Variants in TMEM117 observed in about 807,000 individuals in gnomAD.
TMEM117 encodes transmembrane protein 117.
In TMEM117, 27 loss-of-function variants were observed where a neutral mutation model predicts 52.4. The ratio of observed to expected loss-of-function variants is 0.51; its 90% CI spans 0.38 to 0.71. The LOEUF is 0.71. Among genes scored for constraint, TMEM117 ranks in the 30% least tolerant of loss-of-function variants. The pLI, the probability that TMEM117 is intolerant of heterozygous loss-of-function variation, is 0.00. For synonymous variants in TMEM117, 215 were observed against 206.3 expected (o/e 1.04, Z -0.36); for missense variants, 556 against 630.5 (o/e 0.88, Z 1.26).
intron 5 of TMEM117, among the ~76,000 whole-genome samples, chr12:44,245,537 T>C (rs1188989913): frequency 6.6e-6 from 1 of 151,142 alleles, no homozygotes; most frequent in Non-Finnish European, 1.5e-5. Flanking sequence ...ATGTTTATAT[T>C]GATTTTATGT....
At chr12:43,874,354 G>A (rs750127384) in intron 2 of TMEM117, among the ~76,000 whole-genome samples, 2 of 151,928 alleles carry the variant, frequency 1.3e-5, no homozygotes, top group African/African-American at 2.4e-5. Flanking sequence ...GCCAAGGTGG[G>A]TGGATCACTT....
At chr12:44,131,905 C>T (rs1193972892) in intron 3 of TMEM117, among the ~76,000 whole-genome samples, 3 of 151,970 alleles carry the variant, frequency 2.0e-5, no homozygotes, top group Non-Finnish European at 4.4e-5. Flanking sequence ...TTATTCTGTT[C>T]TCACTTTTTC....
At chr12:43,809,035 G>A in the TMEM117 span, among the ~76,000 whole-genome samples, 2 of 152,222 alleles carry the variant, frequency 1.3e-5, no homozygotes, top group Admixed American at 1.3e-4. Context: ...TGGTAGTTTA[G>A]GACTTCTGAC....
chr12:44,378,913 T>G (rs1238043437), intron 7 of TMEM117, among the ~76,000 whole-genome samples: 1 of 152,172 alleles, frequency 6.6e-6, no homozygotes, highest in Non-Finnish European at 1.5e-5. Context: ...CTCCCTGAAA[T>G]GTGCCATGCA....
intron 3 of TMEM117, among the ~76,000 whole-genome samples, chr12:43,982,829 C>G (rs1227131725): frequency 2.0e-5 from 3 of 152,170 alleles, no homozygotes; most frequent in Non-Finnish European, 2.9e-5. Flanking sequence ...GCTCAGCTAT[C>G]AAAGACTTGA....
chr12:44,115,184 G>A (rs1948118329), intron 3 of TMEM117, among the ~76,000 whole-genome samples: 1 of 152,168 alleles, frequency 6.6e-6, no homozygotes, highest in Admixed American at 6.5e-5. Context: ...TCTCTGCACT[G>A]TGTTTCAGGA....
chr12:44,106,968 C>A (rs1368449863), intron 3 of TMEM117, among the ~76,000 whole-genome samples: 1 of 151,804 alleles, frequency 6.6e-6, no homozygotes, highest in African/African-American at 2.4e-5. Flanking sequence ...ACTAACATTG[C>A]ATTCATAAGA....
the TMEM117 span, among the ~76,000 whole-genome samples, chr12:44,398,849 T>C: frequency 6.6e-6 from 1 of 152,232 alleles, no homozygotes; most frequent in East Asian, 1.9e-4. Context: ...AGGTAGTCCT[T>C]TCTATAGCTA....
chr12:43,851,094 A>G (rs1361557537), intron 2 of TMEM117, among the ~76,000 whole-genome samples: 1 of 152,180 alleles, frequency 6.6e-6, no homozygotes, highest in Non-Finnish European at 1.5e-5. Context: ...TCATTTAATC[A>G]ACTTGTAAGT....
intron 2 of TMEM117, among the ~76,000 whole-genome samples, chr12:43,938,064 C>T (rs964360165): frequency 6.6e-6 from 1 of 151,336 alleles, no homozygotes; most frequent in Non-Finnish European, 1.5e-5. Context: ...GAAAAGAGCC[C>T]GTAGGGATTT....
chr12:43,806,221 C>T, the TMEM117 span: 1 of 1,540,670 alleles, frequency 6.5e-7, no homozygotes, highest in Non-Finnish European at 8.7e-7. Context: ...GCGCTGTTAC[C>T]TTGGATGCCG....
chr12:44,021,276 A>T (rs756308874), intron 3 of TMEM117, among the ~76,000 whole-genome samples: 4 of 152,044 alleles, frequency 2.6e-5, no homozygotes, highest in Admixed American at 6.6e-5. Flanking sequence ...TCCACCCTCA[A>T]ATAGAACCTA....
intron 3 of TMEM117, among the ~76,000 whole-genome samples, chr12:44,123,766 G>A (rs1319624462): frequency 3.9e-5 from 6 of 152,118 alleles, no homozygotes; most frequent in Admixed American, 1.3e-4. Flanking sequence ...ATATGTGTCC[G>A]TTTTTGTACT....
At chr12:44,011,679 T>TACATAC (rs1946292352) in intron 3 of TMEM117, among the ~76,000 whole-genome samples, 1 of 120,750 alleles carries the variant, frequency 8.3e-6, no homozygotes, top group African/African-American at 4.6e-5. Context: ...TACATACATA[T>TACATAC]GTATGACCAA....
At chr12:44,314,720 T>G (rs1951033473) in intron 6 of TMEM117, among the ~76,000 whole-genome samples, 1 of 151,968 alleles carries the variant, frequency 6.6e-6, no homozygotes, top group Non-Finnish European at 1.5e-5. Context: ...GCTAGTTTTC[T>G]TTTTACATTG....
At chr12:43,968,184 C>A (rs1218310553) in intron 3 of TMEM117, among the ~76,000 whole-genome samples, 1 of 152,130 alleles carries the variant, frequency 6.6e-6, no homozygotes, top group East Asian at 1.9e-4. Flanking sequence ...CAAATTTTTC[C>A]TGTGAGTTTT....
Position 44,377,880 on chromosome 12 carries a change from G to A in TMEM117, c.898+1156G>A, listed in dbSNP as rs138870532. ...CTGTTTTTTGCTTTAAGCATGAGGCGACCTTCCTAAATTGGAGAATGAGCT... is the reference window on the plus strand; with the variant it reads ...CTGTTTTTTGCTTTAAGCATGAGGCAACCTTCCTAAATTGGAGAATGAGCT... On this transcript the variant is annotated intron_variant, in intron 7 of 7. Coordinates refer to ENST00000266534, the MANE Select transcript of TMEM117 (RefSeq NM_032256.3). 1.7e-3 allele frequency among the ~76,000 whole-genome samples: 258 copies of A among 152,298 alleles called. 3 individuals are homozygous for A. Among genetic ancestry groups the A allele is most frequent in the African/African-American group, 5.4e-3 (224 of 41,566 alleles).
intron 3 of TMEM117, among the ~76,000 whole-genome samples, chr12:44,046,821 A>C (rs1946887705): frequency 6.6e-6 from 1 of 152,096 alleles, no homozygotes. Flanking sequence ...TATTGACTTC[A>C]TATTAGCATT....
rs1565805876 is a variant in TMEM117 at position 44,045,864 on chromosome 12, A to G, written c.411-97661A>G. Among the ~76,000 whole-genome samples the G allele has an allele frequency of 2.6e-5, 4 of 152,268 alleles. No individual in the cohort carries two copies. The East Asian group carries it at 7.7e-4, about 29-fold the overall frequency. On this transcript the variant is annotated intron_variant, in intron 3 of 7. Transcript: ENST00000266534. ...AAAGTGCAGCAGTGAACTCATGCTA[A>G]TAGAATTCACTGGTCTTACCATGTT...
Sources: gnomAD v4.1 joint callset for allele counts (sites outside exome capture counted in the v4.1 genomes callset) on GRCh38, gnomAD v4.1.1 for gene constraint, MANE v1.5 for transcripts, NCBI Gene and HGNC (gene_info 2026-07-23, HGNC 2026-07-21) for gene names.